The following NUDT5 variants were observed in gnomAD, a reference collection of about 807,000 sequenced individuals.
NUDT5 encodes ADP-sugar pyrophosphatase.
A neutral mutation model predicts 34.1 loss-of-function variants in NUDT5; 21 were observed. The observed-to-expected ratio is 0.62, with a 90% CI of 0.44 to 0.89. The LOEUF is 0.89. Among genes scored for constraint, NUDT5 ranks in the 40% least tolerant of loss-of-function variants. NUDT5 has a pLI of 0.00. For missense variants in NUDT5, 249 were observed against 274.8 expected (o/e 0.91, Z 0.66); for synonymous variants, 85 against 97.6 (o/e 0.87, Z 0.76).
intron 3 of NUDT5, among the ~76,000 whole-genome samples, chr10:12,183,665 C>T (rs1835080005): frequency 6.6e-6 from 1 of 152,096 alleles, no homozygotes; most frequent in Non-Finnish European, 1.5e-5. Flanking sequence ...GTATTTTCTT[C>T]TTATAGTTTA....
intron 1 of NUDT5, among the ~76,000 whole-genome samples, 186 bp from the exon 2 acceptor site, chr10:12,186,518 A>G (rs759291105): frequency 5.9e-5 from 9 of 152,228 alleles, no homozygotes; most frequent in Non-Finnish European, 8.8e-5. Flanking sequence ...TTAGCCAGGA[A>G]GGAAGTGACA....
chr10:12,186,618 CT>C (rs201888699), intron 1 of NUDT5, among the ~76,000 whole-genome samples: 22,535 of 120,256 alleles, frequency 0.19, 1,889 homozygotes, highest in South Asian at 0.29. Context: ...TCAGATTTTT[CT>C]TTTTTTTTTT....
At chr10:12,193,953 C>T (rs1835283542) in intron 1 of NUDT5, among the ~76,000 whole-genome samples, 2 of 151,768 alleles carry the variant, frequency 1.3e-5, no homozygotes, top group South Asian at 4.2e-4. Context: ...CTCGGCTCAT[C>T]GCAACCTCCG....
rs1834753761 is a variant in NUDT5 at position 12,168,156 on chromosome 10, C to G, written c.551-345G>C. ...TCTCCTGCCTCAGCCTCCCCAGTAG[C>G]TGGGACTATAGGCGCACGCCACCAC... On this transcript the variant is annotated intron_variant, in intron 9 of 9. Coordinates refer to ENST00000491614, the MANE Select transcript of NUDT5 (RefSeq NM_014142.4). This position sits in a 1 kb window ranked among gnomAD's most constrained non-coding sequence, Gnocchi z 4.8. Among the ~76,000 whole-genome samples the G allele has an allele frequency of 6.6e-6, 1 of 152,036 alleles. No homozygotes were observed. The highest frequency in any genetic ancestry group is 2.4e-5 in the African/African-American group (1 of 41,396).
At chr10:12,192,297 T>C (rs190296588) in intron 1 of NUDT5, among the ~76,000 whole-genome samples, 2 of 138,400 alleles carry the variant, frequency 1.4e-5, no homozygotes, top group Admixed American at 1.5e-4. Flanking sequence ...AGTGAGACTC[T>C]GTCTCCAAAA....
rs2131695234 is a variant in NUDT5 at position 12,168,636 on chromosome 10, C to G, written c.551-825G>C. Among the ~76,000 whole-genome samples the G allele has an allele frequency of 6.6e-6, 1 of 152,312 alleles. No individual in the cohort carries two copies. Among genetic ancestry groups the G allele is most frequent in the East Asian group, 1.9e-4 (1 of 5,184 alleles). Reference sequence around the variant, plus strand: ...GATGTAAAATCAGCCTCTTGTTTTCCTAGCCGCTTGTTTGGGAACAAGCCT... The same window carrying G: ...GATGTAAAATCAGCCTCTTGTTTTCGTAGCCGCTTGTTTGGGAACAAGCCT... On this transcript the variant is annotated intron_variant, in intron 9 of 9. Coordinates refer to ENST00000491614, the MANE Select transcript of NUDT5 (RefSeq NM_014142.4). This position sits in a 1 kb window ranked among gnomAD's most constrained non-coding sequence, Gnocchi z 4.8.
Position 12,170,963 on chromosome 10 carries a change from A to C in NUDT5, c.488-55T>G. 1 of 1,597,466 alleles carries C rather than the reference A, an allele frequency of 6.3e-7. No homozygotes were observed. The highest frequency in any genetic ancestry group is 1.1e-5 in the South Asian group (1 of 88,984). On this transcript the variant is annotated intron_variant, in intron 7 of 9. Transcript: ENST00000491614. The surrounding 1 kb of genome is among the most constrained non-coding windows in gnomAD (Gnocchi z 4.9). ...GCAAGGCCTGGAGTGGTAACATCGG[A>C]AGACTTTTATACAAGAGGCGTCAAA...
At chr10:12,195,612 A>G (rs1314073917) in intron 1 of NUDT5, among the ~76,000 whole-genome samples, 158 bp downstream of exon 1, 1 of 151,994 alleles carries the variant, frequency 6.6e-6, no homozygotes, top group African/African-American at 2.4e-5. Flanking sequence ...TTTCCCTCCA[A>G]TCCCCAGTTT....
intron 1 of NUDT5, among the ~76,000 whole-genome samples, chr10:12,191,216 T>C (rs1835222667): frequency 6.6e-6 from 1 of 151,994 alleles, no homozygotes; most frequent in African/African-American, 2.4e-5. Context: ...ACCCCATCTC[T>C]ACTAAAAATA....
rs570855625 is a variant in NUDT5, at chr10:12,169,339, G to A, written c.550+1378C>T. On this transcript the variant is annotated intron_variant, in intron 9 of 9. Transcript: ENST00000491614. The surrounding 1 kb of genome is among the most constrained non-coding windows in gnomAD (Gnocchi z 4.8). ...TACTCTTCTACTAAAAGATAACCCC[G>A]CACGGCATTTCACACTTGCCTACGT... 1.6e-5 allele frequency: 24 copies of A among 1,539,064 alleles called. No homozygotes were observed. The highest frequency in any genetic ancestry group is 6.0e-5 in the Admixed American group (3 of 50,242).
rs955229143 is a variant in NUDT5 at position 12,181,523 on chromosome 10, A to G, written c.132-2391T>C. ...TTTGAACAGTATCTTTACCCCACAG[A>G]GCAGGAAATAAGCCAAAGAACCCCA... On this transcript the variant is annotated intron_variant, in intron 3 of 9. Transcript: ENST00000491614. The surrounding 1 kb of genome is among the most constrained non-coding windows in gnomAD (Gnocchi z 5.0). 6.6e-6 allele frequency among the ~76,000 whole-genome samples: 1 copy of G among 152,120 alleles called. No homozygotes were observed. Among genetic ancestry groups the G allele is most frequent in the Non-Finnish European group, 1.5e-5 (1 of 68,028 alleles).
In NUDT5 at chr10:12,170,854, T is replaced by C. The variant is rs1262521223; in HGVS notation, c.496+46A>G. 6.2e-7 allele frequency: 1 copy of C among 1,613,504 alleles called. No homozygotes were observed. The highest frequency in any genetic ancestry group is 1.7e-5 in the Admixed American group (1 of 60,004). Reference sequence around the variant, plus strand: ...CCAAAATGTCTGCAGCCATCACCACTACACTAAGTCATACACGCTCGGCCA... The same window carrying C: ...CCAAAATGTCTGCAGCCATCACCACCACACTAAGTCATACACGCTCGGCCA... On this transcript the variant is annotated intron_variant, in intron 8 of 9. Coordinates refer to ENST00000491614, the MANE Select transcript of NUDT5 (RefSeq NM_014142.4). The surrounding 1 kb of genome is among the most constrained non-coding windows in gnomAD (Gnocchi z 4.9).
intron 7 of NUDT5, 159 bp downstream of exon 7, chr10:12,172,606 T>C: frequency 1.6e-6 from 1 of 608,208 alleles, no homozygotes; most frequent in Non-Finnish European, 3.0e-6. Context: ...AATGCTAAAA[T>C]ACATGATTAG....
intron 5 of NUDT5, among the ~76,000 whole-genome samples, chr10:12,177,134 A>T (rs950454747): frequency 2.0e-5 from 3 of 151,186 alleles, no homozygotes; most frequent in African/African-American, 7.3e-5. Flanking sequence ...AAAAAAAAAA[A>T]GCCTGGCCTA....
At chr10:12,180,013 T>C (rs1364595986) in intron 3 of NUDT5, among the ~76,000 whole-genome samples, 3 of 152,116 alleles carry the variant, frequency 2.0e-5, no homozygotes, top group Non-Finnish European at 2.9e-5. Flanking sequence ...GTGAAACATG[T>C]GGGTGGCTCT....
intron 1 of NUDT5, among the ~76,000 whole-genome samples, chr10:12,186,858 A>G (rs534280768): frequency 6.6e-6 from 1 of 151,936 alleles, no homozygotes; most frequent in Admixed American, 6.6e-5. Flanking sequence ...ACCTCCTGAC[A>G]TCAAGTGATC....
intron 3 of NUDT5, among the ~76,000 whole-genome samples, chr10:12,183,444 T>C (rs1835075996): frequency 6.6e-6 from 1 of 152,242 alleles, no homozygotes; most frequent in African/African-American, 2.4e-5. Context: ...TTAGTAGATA[T>C]AATCACAGTT....
chr10:12,169,255 A>G lies in NUDT5; in HGVS notation c.551-1444T>C. On this transcript the variant is annotated intron_variant, in intron 9 of 9. Coordinates refer to ENST00000491614, the MANE Select transcript of NUDT5 (RefSeq NM_014142.4). This position sits in a 1 kb window ranked among gnomAD's most constrained non-coding sequence, Gnocchi z 4.8. ...TATTCTATTTTTTTCTCCCTTTTCTAAGACCAAAAGTGAAGTTAAGAAGGT... is the reference window on the plus strand; with the variant it reads ...TATTCTATTTTTTTCTCCCTTTTCTGAGACCAAAAGTGAAGTTAAGAAGGT... 3 of 1,544,666 alleles carry G rather than the reference A, an allele frequency of 1.9e-6. No homozygotes were observed. The highest frequency in any genetic ancestry group is 2.6e-6 in the Non-Finnish European group (3 of 1,141,042).
chr10:12,195,735 T>G, intron 1 of NUDT5, 35 bp downstream of exon 1: 1 of 159,812 alleles, frequency 6.3e-6, no homozygotes, highest in Non-Finnish European at 1.4e-5. Flanking sequence ...CCCAAAGAGG[T>G]TTTGTGCTGT....
Sources: gnomAD v4.1 joint callset for allele counts (sites outside exome capture counted in the v4.1 genomes callset) on GRCh38, gnomAD v4.1.1 for gene constraint, Gnocchi (gnomAD v3.1) non-coding constraint, MANE v1.5 for transcripts, NCBI Gene and HGNC (gene_info 2026-07-23, HGNC 2026-07-21) for gene names.